ARIH1: variants seen among roughly 807,000 people sequenced by gnomAD.
ARIH1 encodes the protein ariadne RBR E3 ubiquitin protein ligase 1, also known as E3 ubiquitin-protein ligase ARIH1.
Under a neutral mutation model 85.0 loss-of-function variants are expected in ARIH1, and 8 were observed. The ratio of observed to expected loss-of-function variants is 0.09; its 90% CI spans 0.06 to 0.17. The LOEUF (loss-of-function observed/expected upper bound fraction) is 0.17, where lower values mean the gene tolerates loss of function less well. Ranked by LOEUF, ARIH1 falls within the 10% of genes least tolerant of loss-of-function variation. The probability of loss-of-function intolerance (pLI) is 1.00; values close to 1 mark genes in which losing one functional copy is unlikely to be tolerated. For missense variants in ARIH1, 311 were observed against 718.1 expected (o/e 0.43, Z 6.48); for synonymous variants, 238 against 253.6 (o/e 0.94, Z 0.59).
intron 2 of ARIH1, among the ~76,000 whole-genome samples, chr15:72,538,633 A>G (rs1259282393): frequency 1.3e-5 from 2 of 152,214 alleles, no homozygotes; most frequent in South Asian, 2.1e-4. Flanking sequence ...TCAACCAGAC[A>G]TAAGAGCTCT....
chr15:72,552,381 G>C (rs143126386), intron 3 of ARIH1, among the ~76,000 whole-genome samples: 2 of 151,778 alleles, frequency 1.3e-5, no homozygotes, highest in East Asian at 3.9e-4. Flanking sequence ...TCTGCCTCCC[G>C]GGTTGAAGGG....
At chr15:72,546,729 G>A (rs1004326987) in intron 3 of ARIH1, among the ~76,000 whole-genome samples, 83 of 150,778 alleles carry the variant, frequency 5.5e-4, no homozygotes, top group African/African-American at 2.0e-3. Flanking sequence ...GGTTTCACCT[G>A]TGTGTGTGTG....
In ARIH1 at chr15:72,602,047, A is replaced by T. The variant is rs2064383826; in HGVS notation, c.*18755A>T. On this transcript the variant is annotated 3_prime_UTR_variant, in exon 14 of 14. Coordinates refer to ENST00000379887, the MANE Select transcript of ARIH1 (RefSeq NM_005744.5). ...GTAAATAGTTGCCTCTTTCTTTTTC[A>T]TGCGCCATATAATATGGACTTATAA... 1 of 152,114 alleles carries T rather than the reference A, an allele frequency of 6.6e-6. No individual in the cohort carries two copies. The highest frequency in any genetic ancestry group is 2.4e-5 in the African/African-American group (1 of 41,414). 9.4% of individuals were successfully genotyped at this position (152,114 alleles called of 1,614,324 possible).
chr15:72,547,631 A>T lies in ARIH1; in HGVS notation c.588+2667A>T, dbSNP rs936643997. Among the ~76,000 whole-genome samples, 11 of 152,296 alleles carry T rather than the reference A, an allele frequency of 7.2e-5. 2 individuals are homozygous for T. In the South Asian group the frequency reaches 1.9e-3, roughly 26 times the overall value. ...TCTCTTACCTTAAATCACAATTCTA[A>T]TTTGAATATTTTTTAAAAAGTACTA... On this transcript the variant is annotated intron_variant, in intron 3 of 13. Coordinates refer to ENST00000379887, the MANE Select transcript of ARIH1 (RefSeq NM_005744.5).
intron 1 of ARIH1, among the ~76,000 whole-genome samples, chr15:72,502,391 C>A (rs1567341009): frequency 6.6e-6 from 1 of 152,150 alleles, no homozygotes; most frequent in Non-Finnish European, 1.5e-5. Context: ...TTGGATGCAT[C>A]AGGATTACAT....
chr15:72,492,792 A>T (rs1307608379), intron 1 of ARIH1, among the ~76,000 whole-genome samples: 1 of 152,224 alleles, frequency 6.6e-6, no homozygotes, highest in Non-Finnish European at 1.5e-5. Context: ...CATTCCACCC[A>T]GCTATAAAGC....
At chr15:72,577,328 G>C (rs1473957400) in intron 11 of ARIH1, among the ~76,000 whole-genome samples, 1 of 152,014 alleles carries the variant, frequency 6.6e-6, no homozygotes, top group Non-Finnish European at 1.5e-5. Flanking sequence ...TAGGAAAAAA[G>C]TTATTTTAAA....
At chr15:72,523,642 A>AAT (rs771310526) in intron 2 of ARIH1, among the ~76,000 whole-genome samples, 7 of 151,878 alleles carry the variant, frequency 4.6e-5, no homozygotes, top group African/African-American at 7.3e-5. Flanking sequence ...ACCCTTATGT[A>AAT]AACTACAGAC....
intron 11 of ARIH1, among the ~76,000 whole-genome samples, chr15:72,576,238 G>T (rs1396599078): frequency 6.6e-6 from 1 of 152,112 alleles, no homozygotes; most frequent in African/African-American, 2.4e-5. Context: ...GGGCGCGGTG[G>T]CTCATGCCTG....
At chr15:72,488,530 A>G (rs2063846432) in intron 1 of ARIH1, among the ~76,000 whole-genome samples, 1 of 152,200 alleles carries the variant, frequency 6.6e-6, no homozygotes, top group Admixed American at 6.5e-5. Flanking sequence ...TATAGCCTAT[A>G]AGAGGTTATG....
In ARIH1 at chr15:72,600,669, C is replaced by G. The variant is rs1367857063; in HGVS notation, c.*17377C>G. On this transcript the variant is annotated 3_prime_UTR_variant, in exon 14 of 14. Coordinates refer to ENST00000379887, the MANE Select transcript of ARIH1 (RefSeq NM_005744.5). ...AAGTGTTGGGATTACAGGTGTGAAC[C>G]ATAGTATCCAACCTATTATGTTTTT... The G allele has an allele frequency of 1.3e-5, 2 of 152,188 alleles. No individual in the cohort carries two copies. Among genetic ancestry groups the G allele is most frequent in the Non-Finnish European group, 2.9e-5 (2 of 68,020 alleles). The allele number at this position is 152,188 out of a possible 1,614,324, so 9.4% of individuals were successfully genotyped here. A position where few individuals can be genotyped will look rare whatever the true frequency, so the allele number is the denominator to read the frequency against.
Position 72,474,470 on chromosome 15 carries a change from AC to A in ARIH1, c.-168del. 1.2e-6 allele frequency: 1 copy of A among 844,388 alleles called. No individual in the cohort carries two copies. Among genetic ancestry groups the A allele is most frequent in the Non-Finnish European group, 1.7e-6 (1 of 579,824 alleles). 52.3% of individuals were successfully genotyped at this position (844,388 alleles called of 1,614,324 possible). On this transcript the variant is annotated 5_prime_UTR_variant, in exon 1 of 14. Coordinates refer to ENST00000379887, the MANE Select transcript of ARIH1 (RefSeq NM_005744.5). ...CCTCCTCCGCGCCCTCCCCGCCGCC[AC>A]CAGCCGTCAAACGCCAACCGCCGCT...
At chr15:72,510,730 C>G (rs1052446119) in intron 1 of ARIH1, among the ~76,000 whole-genome samples, 8 of 59,120 alleles carry the variant, frequency 1.4e-4, no homozygotes, top group Non-Finnish European at 1.7e-4. Context: ...GAGCAAGACT[C>G]TGACTCAAAA....
At chr15:72,480,541 A>G (rs964205360) in intron 1 of ARIH1, among the ~76,000 whole-genome samples, 2 of 151,702 alleles carry the variant, frequency 1.3e-5, no homozygotes, top group East Asian at 3.9e-4. Context: ...GATTATAGGC[A>G]TGAGCCACGG....
chr15:72,546,333 GAAAAT>G (rs2064128785), intron 3 of ARIH1, among the ~76,000 whole-genome samples: 1 of 152,176 alleles, frequency 6.6e-6, no homozygotes, highest in African/African-American at 2.4e-5. Flanking sequence ...AGTTTTAAAA[GAAAAT>G]AAAGTACTCT....
At chr15:72,483,999 C>A (rs754740474) in intron 1 of ARIH1, among the ~76,000 whole-genome samples, 3 of 149,670 alleles carry the variant, frequency 2.0e-5, no homozygotes, top group African/African-American at 7.4e-5. Context: ...GGCGAAACCC[C>A]GTCTCTACTA....
At chr15:72,530,793 G>A (rs903805127) in intron 2 of ARIH1, among the ~76,000 whole-genome samples, 1 of 152,168 alleles carries the variant, frequency 6.6e-6, no homozygotes, top group African/African-American at 2.4e-5. Context: ...GGACAAAGCT[G>A]AAGAGAGTTT....
chr15:72,575,850 A>T (rs995318330), intron 11 of ARIH1, among the ~76,000 whole-genome samples: 17 of 152,178 alleles, frequency 1.1e-4, no homozygotes, highest in Admixed American at 1.1e-3. Flanking sequence ...GACTCTTGAA[A>T]TAACATGGCT....
chr15:72,505,637 G>A (rs2063921472), intron 1 of ARIH1, among the ~76,000 whole-genome samples: 1 of 152,056 alleles, frequency 6.6e-6, no homozygotes, highest in Non-Finnish European at 1.5e-5. Flanking sequence ...TTTAAATTTT[G>A]ATCACTTCTG....
Sources: allele counts gnomAD v4.1 joint callset (sites outside exome capture counted in the v4.1 genomes callset), GRCh38; gene constraint gnomAD v4.1.1; transcripts MANE v1.5; gene names NCBI Gene and HGNC (gene_info 2026-07-23, HGNC 2026-07-21).